SVOPL: variants seen among roughly 807,000 people sequenced by gnomAD.
The protein encoded by SVOPL is putative transporter SVOPL.
Under a neutral mutation model 61.0 loss-of-function variants are expected in SVOPL, and 60 were observed. The observed-to-expected ratio is 0.98, with a 90% confidence interval of 0.80 to 1.22. The LOEUF (loss-of-function observed/expected upper bound fraction) is 1.22, where lower values mean the gene tolerates loss of function less well. Ranked by LOEUF, SVOPL falls within the 50% of genes most tolerant of loss-of-function variation. The pLI, the probability that SVOPL is intolerant of heterozygous loss-of-function variation, is 0.00. For synonymous variants in SVOPL, 279 were observed against 250.0 expected, an observed-to-expected ratio of 1.12 and a Z score of -1.09; for missense variants, 662 against 643.9, an observed-to-expected ratio of 1.03 and a Z score of -0.30.
chr7:138,647,148 G>A (rs1053710811), intron 8 of SVOPL, among the ~76,000 whole-genome samples: 1 of 152,184 alleles, frequency 6.6e-6, no homozygotes, highest in Non-Finnish European at 1.5e-5. Context: ...GGCCGAGGTG[G>A]GCAGATCACG....
At chr7:138,645,195 C>A (rs1164990806) in intron 8 of SVOPL, among the ~76,000 whole-genome samples, 1 of 152,084 alleles carries the variant, frequency 6.6e-6, no homozygotes, top group Non-Finnish European at 1.5e-5. Flanking sequence ...CTCCAGGAAC[C>A]CCAGGACCTC....
chr7:138,641,440 G>A (rs1800777397), intron 9 of SVOPL, among the ~76,000 whole-genome samples: 2 of 152,010 alleles, frequency 1.3e-5, no homozygotes, highest in African/African-American at 4.8e-5. Flanking sequence ...GGAGGCCGAG[G>A]AGGGCGGATC....
chr7:138,678,924 A>G (rs1802639448), intron 2 of SVOPL, 40 bp downstream of exon 2: 1 of 1,533,880 alleles, frequency 6.5e-7, no homozygotes. Context: ...TCTTAACTCT[A>G]AGCAGCAGGT....
chr7:138,661,380 C>T (rs937852856), intron 5 of SVOPL: 9 of 985,376 alleles, frequency 9.1e-6, no homozygotes, highest in Middle Eastern at 1.0e-3. Context: ...TAACTCCGTA[C>T]ATCCATCAAC....
chr7:138,629,776 G>C (rs1345385231), intron 10 of SVOPL, among the ~76,000 whole-genome samples: 1 of 152,164 alleles, frequency 6.6e-6, no homozygotes, highest in Non-Finnish European at 1.5e-5. Flanking sequence ...AAAAGACCAG[G>C]CTGCAAAAGT....
intron 2 of SVOPL, 112 bp downstream of exon 2, chr7:138,678,852 G>A (rs186454788): frequency 1.8e-6 from 2 of 1,112,284 alleles, no homozygotes; most frequent in Admixed American, 4.6e-5. Context: ...TTACAGGTGT[G>A]AGCCACCATG....
chr7:138,626,091 T>G (rs1189917841), intron 12 of SVOPL, 41 bp from the exon 13 acceptor site: 2 of 1,601,786 alleles, frequency 1.2e-6, no homozygotes. Flanking sequence ...AAAGGCAGCA[T>G]GGAGGACCAC....
At chr7:138,694,204 T>C (rs551309776) in intron 1 of SVOPL, among the ~76,000 whole-genome samples, 8 of 152,352 alleles carry the variant, frequency 5.3e-5, no homozygotes, top group Admixed American at 5.2e-4. Context: ...CAAACACGTA[T>C]ACAACGATAT....
At position 138,627,479 on chromosome 7, in the gene SVOPL, A is replaced by C; in HGVS notation, c.1070-18T>G. 6.3e-7 allele frequency: 1 copy of C among 1,590,614 alleles called. No individual in the cohort carries two copies. Among genetic ancestry groups the C allele is most frequent in the Non-Finnish European group, 8.6e-7 (1 of 1,159,370 alleles). ...AGGATTCACTAGAAAGCAAACAGTA[A>C]AGATAATTTCTGGAACCTTGGAAGG... On this transcript the variant is annotated intron_variant, in intron 11 of 15. Transcript: ENST00000674285.
At chr7:138,646,479 G>T in intron 8 of SVOPL, 1 of 163,386 alleles carries the variant, frequency 6.1e-6, no homozygotes, top group Non-Finnish European at 1.4e-5. Context: ...TGGCAGTTCT[G>T]GTCAAAAGGA....
intron 9 of SVOPL, among the ~76,000 whole-genome samples, chr7:138,643,569 T>TTA (rs531634224): frequency 7.5e-4 from 114 of 152,256 alleles, no homozygotes; most frequent in Middle Eastern, 3.4e-3. Flanking sequence ...CAATGAAATA[T>TTA]TATTCAGCCT....
At chr7:138,684,457 C>G (rs1215849486) in intron 1 of SVOPL, among the ~76,000 whole-genome samples, 2 of 152,038 alleles carry the variant, frequency 1.3e-5, no homozygotes, top group African/African-American at 4.8e-5. Flanking sequence ...AGACAGTTTT[C>G]AAGTGAAGAC....
At chr7:138,639,549 C>A (rs1258337776) in intron 9 of SVOPL, among the ~76,000 whole-genome samples, 2 of 151,348 alleles carry the variant, frequency 1.3e-5, no homozygotes, top group Admixed American at 1.3e-4. Context: ...ATCGCTTGAA[C>A]CTGGGAGGCA....
intron 4 of SVOPL, chr7:138,663,346 C>G: frequency 7.0e-7 from 1 of 1,422,534 alleles, no homozygotes; most frequent in South Asian, 1.5e-5. Flanking sequence ...GGGAGCCTAA[C>G]AAGGCAGATC....
At position 138,648,939 on chromosome 7, in the gene SVOPL, A is replaced by G. The variant is rs1038690855; in HGVS notation, c.660+73T>C. 7.5e-6 allele frequency: 12 copies of G among 1,597,830 alleles called. No individual in the cohort carries two copies. In the African/African-American group the frequency reaches 1.2e-4, roughly 16 times the overall value. On this transcript the variant is annotated intron_variant, in intron 8 of 15. Transcript: ENST00000674285. ...TCTGTCTCGAGGGGGAAAATAAAAG[A>G]TATTTGTGGGGCATGAAGGCCACTG...
intron 1 of SVOPL, among the ~76,000 whole-genome samples, chr7:138,700,679 AGGAT>A (rs35740951): frequency 3.2e-4 from 47 of 148,930 alleles, no homozygotes; most frequent in African/African-American, 5.4e-4. Context: ...ACCCAGTAAG[AGGAT>A]GGATGGATGG....
Position 138,674,333 on chromosome 7 carries a change from A to G in SVOPL, c.175-2216T>C, listed in dbSNP as rs550700076. Among the ~76,000 whole-genome samples the G allele has an allele frequency of 1.2e-4, 18 of 152,040 alleles. No individual in the cohort carries two copies. The South Asian group carries it at 2.1e-3, about 18-fold the overall frequency. ...GCCCGGAAACCCAACTGCTGCTTCT[A>G]TGGCCTCTGAATAAGGGCCTGAACA... On this transcript the variant is annotated intron_variant, in intron 3 of 15. Coordinates refer to ENST00000674285, the MANE Select transcript of SVOPL (RefSeq NM_001139456.2).
chr7:138,621,890 C>CTATG (rs1563095642), intron 13 of SVOPL, among the ~76,000 whole-genome samples: 2 of 55,410 alleles, frequency 3.6e-5, no homozygotes, highest in Admixed American at 1.8e-4. Flanking sequence ...ATCTATCTAT[C>CTATG]TATCTATCTA....
chr7:138,677,230 C>T (rs917506377), intron 3 of SVOPL, among the ~76,000 whole-genome samples: 2 of 152,054 alleles, frequency 1.3e-5, no homozygotes, highest in African/African-American at 4.8e-5. Context: ...ATCCCTACAC[C>T]CCCTGGACTG....
Sources: allele counts gnomAD v4.1 joint callset (sites outside exome capture counted in the v4.1 genomes callset), GRCh38; gene constraint gnomAD v4.1.1; transcripts MANE v1.5; gene names NCBI Gene and HGNC (gene_info 2026-07-23, HGNC 2026-07-21).